RYR2: variants seen among roughly 807,000 people sequenced by gnomAD.
The protein encoded by RYR2 is cardiac muscle ryanodine receptor-calcium release channel.
RYR2 carries 227 observed loss-of-function variants against 601.1 expected under a neutral mutation model. That is an observed-to-expected ratio of 0.38 (90% CI 0.34 to 0.42). The LOEUF (loss-of-function observed/expected upper bound fraction) is 0.42, where lower values mean the gene tolerates loss of function less well. Ranked by LOEUF, RYR2 falls within the 10% of genes least tolerant of loss-of-function variation. The pLI is 1.00. For synonymous variants in RYR2, 2,223 were observed against 2,175.1 expected (o/e 1.02, Z -0.61); for missense variants, 4,646 against 6,156.5 (o/e 0.75, Z 8.21).
rs116797287 is a variant in RYR2, at chr1:237,060,481, G to A, written c.48+17912G>A. Among the ~76,000 whole-genome samples, 303 of 152,262 alleles carry A rather than the reference G, an allele frequency of 2.0e-3. 3 individuals are homozygous for A. Among genetic ancestry groups the A allele is most frequent in the African/African-American group, 7.1e-3 (296 of 41,556 alleles). Reference sequence around the variant, plus strand: ...TAAGTGTACAGCTTGATGAATATTTGCAGTGTGAACGCAGTTGTGTAACTA... The same window carrying A: ...TAAGTGTACAGCTTGATGAATATTTACAGTGTGAACGCAGTTGTGTAACTA... On this transcript the variant is annotated intron_variant, in intron 1 of 104. Transcript: ENST00000366574.
intron 1 of RYR2, among the ~76,000 whole-genome samples, chr1:237,129,709 G>T (rs939973945): frequency 5.3e-5 from 8 of 149,690 alleles, no homozygotes; most frequent in African/African-American, 1.7e-4. Flanking sequence ...ATAGTATAAT[G>T]ATACATATAT....
chr1:237,588,046 TTTTA>T (rs1674727200), intron 29 of RYR2, among the ~76,000 whole-genome samples: 1 of 152,232 alleles, frequency 6.6e-6, no homozygotes, highest in African/African-American at 2.4e-5. Context: ...TTTGATTTCT[TTTTA>T]TTTGATTTCT....
In RYR2 at chr1:237,631,339, A is replaced by G. The variant is rs145173795; in HGVS notation, c.6441-88A>G. 740 of 807,238 alleles carry G rather than the reference A, an allele frequency of 9.2e-4. 9 individuals carry two copies. The African/African-American group carries it at 0.012, about 13-fold the overall frequency. The allele number at this position is 807,238 out of a possible 1,614,324, so 50.0% of individuals were successfully genotyped here. On this transcript the variant is annotated intron_variant, in intron 41 of 104. Coordinates refer to ENST00000366574, the MANE Select transcript of RYR2 (RefSeq NM_001035.3). Reference sequence around the variant, plus strand: ...TTGCTTTTACTTTTCAACTCACATAAATTATTTCTAAAAGATTTATGAGGA... The same window carrying G: ...TTGCTTTTACTTTTCAACTCACATAGATTATTTCTAAAAGATTTATGAGGA...
At chr1:237,506,927 T>A (rs1442942965) in intron 23 of RYR2, 113 bp downstream of exon 23, 4 of 899,454 alleles carry the variant, frequency 4.4e-6, no homozygotes, top group Non-Finnish European at 7.1e-6. Flanking sequence ...TTGGATTGAT[T>A]TTTTTCCCCC....
intron 10 of RYR2, among the ~76,000 whole-genome samples, chr1:237,416,725 C>A (rs1246288289): frequency 1.4e-5 from 2 of 145,974 alleles, no homozygotes; most frequent in African/African-American, 5.1e-5. Context: ...GAAATCTATT[C>A]ACTGGGAGGG....
chr1:237,452,075 TTTTGTGTGTGTG>T (rs1364893105), intron 14 of RYR2, among the ~76,000 whole-genome samples: 10 of 7,738 alleles, frequency 1.3e-3, no homozygotes, highest in African/African-American at 4.4e-3. Flanking sequence ...ATATATAAAA[TTTTGTGTGTGTG>T]TGTGTGTGTG....
chr1:237,295,502 A>G (rs1572507569), intron 2 of RYR2, among the ~76,000 whole-genome samples: 1 of 152,318 alleles, frequency 6.6e-6, no homozygotes, highest in South Asian at 2.1e-4. Flanking sequence ...GTTACTCAAG[A>G]CAACTTAAAA....
intron 101 of RYR2, among the ~76,000 whole-genome samples, chr1:237,821,664 G>A (rs887070543): frequency 6.6e-6 from 1 of 151,924 alleles, no homozygotes; most frequent in Admixed American, 6.5e-5. Flanking sequence ...AAAACTGGAC[G>A]GAAAATGAGT....
chr1:237,793,286 A>G (rs1373747084), intron 94 of RYR2, among the ~76,000 whole-genome samples: 2 of 152,168 alleles, frequency 1.3e-5, no homozygotes, highest in East Asian at 1.9e-4. Context: ...TCTATCTGCT[A>G]TCTGTGCCTT....
At chr1:237,494,842 G>A (rs1459041643) in intron 19 of RYR2, among the ~76,000 whole-genome samples, 5 of 152,154 alleles carry the variant, frequency 3.3e-5, no homozygotes. Context: ...CCAGGCTGGA[G>A]TGAAGTGGCA....
chr1:237,208,356 A>G (rs1313889912), intron 1 of RYR2, among the ~76,000 whole-genome samples: 2 of 152,116 alleles, frequency 1.3e-5, no homozygotes, highest in Non-Finnish European at 2.9e-5. Context: ...GTGTGGGTTT[A>G]TGTGTGTGTT....
intron 1 of RYR2, among the ~76,000 whole-genome samples, chr1:237,243,352 C>T (rs187385098): frequency 6.6e-6 from 1 of 152,236 alleles, no homozygotes; most frequent in East Asian, 1.9e-4. Flanking sequence ...TTCCCATGAC[C>T]CCCTGTTTGG....
chr1:237,060,898 A>G (rs1425906204), intron 1 of RYR2, among the ~76,000 whole-genome samples: 1 of 152,218 alleles, frequency 6.6e-6, no homozygotes, highest in Admixed American at 6.5e-5. Flanking sequence ...GTATGTATAC[A>G]TTTCTGCTGG....
At chr1:237,815,813 G>T (rs1482802732) in intron 100 of RYR2, among the ~76,000 whole-genome samples, 1 of 152,116 alleles carries the variant, frequency 6.6e-6, no homozygotes. Flanking sequence ...TATTACATAA[G>T]CCTGATGTAC....
At chr1:237,232,621 C>G (rs187287749) in intron 1 of RYR2, among the ~76,000 whole-genome samples, 1 of 152,294 alleles carries the variant, frequency 6.6e-6, no homozygotes, top group Non-Finnish European at 1.5e-5. Flanking sequence ...TGCTCCAGAT[C>G]CTCGCAACTT....
intron 56 of RYR2, among the ~76,000 whole-genome samples, chr1:237,665,415 A>G (rs1022702967): frequency 2.1e-5 from 3 of 143,034 alleles, no homozygotes; most frequent in African/African-American, 7.4e-5. Flanking sequence ...AAAAAAAAAA[A>G]AAAAGGAAAA....
intron 1 of RYR2, among the ~76,000 whole-genome samples, chr1:237,161,796 A>G (rs1020619693): frequency 6.6e-6 from 1 of 152,236 alleles, no homozygotes; most frequent in African/African-American, 2.4e-5. Flanking sequence ...AGAAGGTCAC[A>G]TCTGGGTAGA....
chr1:237,434,782 CTT>C lies in RYR2; in HGVS notation c.1006-6529_1006-6528del, dbSNP rs1005168229. Among the ~76,000 whole-genome samples, 8 of 151,570 alleles carry C rather than the reference CTT, an allele frequency of 5.3e-5. No individual in the cohort carries two copies. In the East Asian group the frequency reaches 1.5e-3, roughly 29 times the overall value. ...TGTGGAACAAATGTAAAATATAAAA[CTT>C]TTTTTTTGAGACAGAGTCTCTCGCT... On this transcript the variant is annotated intron_variant, in intron 12 of 104. Transcript: ENST00000366574.
At chr1:237,096,523 G>A (rs1250730220) in intron 1 of RYR2, among the ~76,000 whole-genome samples, 20 of 152,142 alleles carry the variant, frequency 1.3e-4, no homozygotes, top group Non-Finnish European at 4.4e-5. Context: ...TTCCTAAGTG[G>A]CTTTGCTGAG....
Sources: allele counts gnomAD v4.1 joint callset (sites outside exome capture counted in the v4.1 genomes callset), GRCh38; gene constraint gnomAD v4.1.1; transcripts MANE v1.5; gene names NCBI Gene and HGNC (gene_info 2026-07-23, HGNC 2026-07-21).